Variants in WDFY4 observed in about 807,000 individuals in gnomAD.
The protein encoded by WDFY4 is WD repeat- and FYVE domain-containing protein 4.
In WDFY4, 169 loss-of-function variants were observed where a neutral mutation model predicts 351.9. That is an observed-to-expected ratio of 0.48 (90% confidence interval 0.42 to 0.55). WDFY4 has a LOEUF of 0.55. Ranked by LOEUF, WDFY4 falls within the 20% of genes least tolerant of loss-of-function variation. The pLI is 0.00. For synonymous variants in WDFY4, 1,622 were observed against 1,574.6 expected, an observed-to-expected ratio of 1.03 and a Z score of -0.71; for missense variants, 3,803 against 3,935.6, an observed-to-expected ratio of 0.97 and a Z score of 0.90.
chr10:48,884,783 T>C (rs964975343), intron 43 of WDFY4, among the ~76,000 whole-genome samples: 6 of 152,174 alleles, frequency 3.9e-5, no homozygotes, highest in African/African-American at 1.4e-4. Flanking sequence ...CAGGAACCGT[T>C]TCTCTGGTGT....
At chr10:48,815,156 C>T (rs1456446304) in intron 31 of WDFY4, among the ~76,000 whole-genome samples, 1 of 152,212 alleles carries the variant, frequency 6.6e-6, no homozygotes, top group Non-Finnish European at 1.5e-5. Flanking sequence ...TTGCATTAGT[C>T]ATTATGCATA....
chr10:48,981,656 T>G (rs1295133026), intron 61 of WDFY4, among the ~76,000 whole-genome samples, 178 bp downstream of exon 61: 4 of 152,230 alleles, frequency 2.6e-5, no homozygotes, highest in African/African-American at 9.6e-5. Flanking sequence ...AGGAAACGTT[T>G]TTCAGGGTTT....
intron 2 of WDFY4, among the ~76,000 whole-genome samples, chr10:48,717,136 T>G (rs2063935960): frequency 6.6e-6 from 1 of 152,218 alleles, no homozygotes; most frequent in African/African-American, 2.4e-5. Flanking sequence ...GTGGTGAGGA[T>G]TAGTGGAGCT....
chr10:48,977,672 C>T (rs141690682), intron 59 of WDFY4, among the ~76,000 whole-genome samples: 24 of 152,296 alleles, frequency 1.6e-4, no homozygotes, highest in Admixed American at 7.8e-4. Flanking sequence ...TCTCCTGGGC[C>T]CCCCCAAAGC....
rs377166749 is a variant in WDFY4, at chr10:48,789,981, A to G, written c.4062A>G (p.Gln1354=). ...LRTIGAVAVG[Q]LGVRVFHSSP... Reference sequence around the variant, plus strand: ...CCATTGGAGCTGTTGCTGTGGGTCAATTAGGTATGTTCAACTGGGAAGCTT... The same window carrying G: ...CCATTGGAGCTGTTGCTGTGGGTCAGTTAGGTATGTTCAACTGGGAAGCTT... The change falls in exon 22 of 62, where the codon CAA becomes CAG. Residue 1354 remains glutamine, a synonymous_variant. Coordinates refer to ENST00000325239, the MANE Select transcript of WDFY4 (RefSeq NM_001394531.1). 83 of 1,552,146 alleles carry G rather than the reference A, an allele frequency of 5.3e-5. No individual in the cohort carries two copies. The highest frequency in any genetic ancestry group is 9.8e-5 in the Admixed American group (5 of 50,996).
chr10:48,944,246 G>A (rs1165250974), intron 49 of WDFY4, among the ~76,000 whole-genome samples: 2 of 152,370 alleles, frequency 1.3e-5, no homozygotes, highest in African/African-American at 4.8e-5. Context: ...TGACAGAGAT[G>A]ATGGTGTCTG....
At position 48,948,932 on chromosome 10, in the gene WDFY4, A is replaced by G. The variant is rs761545271; in HGVS notation, c.7977+1963A>G. 2.6e-4 allele frequency among the ~76,000 whole-genome samples: 39 copies of G among 152,350 alleles called. No individual in the cohort carries two copies. The Middle Eastern group carries it at 0.017, about 66-fold the overall frequency. ...AGCTAGACCTAACAGGTGTGTTGTG[A>G]ACCAACGGGATATCTGGGCTATGGC... On this transcript the variant is annotated intron_variant, in intron 51 of 61. Coordinates refer to ENST00000325239, the MANE Select transcript of WDFY4 (RefSeq NM_001394531.1).
chr10:48,917,949 T>C (rs529758422), intron 47 of WDFY4, among the ~76,000 whole-genome samples: 3 of 152,324 alleles, frequency 2.0e-5, no homozygotes, highest in Admixed American at 2.0e-4. Flanking sequence ...AACTACTACA[T>C]AACGGGGAAG....
At chr10:48,882,483 T>G (rs1272790706) in intron 43 of WDFY4, among the ~76,000 whole-genome samples, 3 of 152,144 alleles carry the variant, frequency 2.0e-5, no homozygotes, top group Non-Finnish European at 4.4e-5. Context: ...GAGGCAGGTG[T>G]GTTAGTCCAT....
At chr10:48,914,488 C>T (rs1838316866) in intron 47 of WDFY4, among the ~76,000 whole-genome samples, 2 of 152,182 alleles carry the variant, frequency 1.3e-5, no homozygotes, top group Admixed American at 6.5e-5. Flanking sequence ...CTAGCTGTGC[C>T]ATGCCCCGAC....
chr10:48,865,927 G>T (rs2069526655), intron 39 of WDFY4, among the ~76,000 whole-genome samples: 1 of 151,874 alleles, frequency 6.6e-6, no homozygotes, highest in African/African-American at 2.4e-5. Context: ...CAGTAGTATT[G>T]TCTCCTTCAT....
At chr10:48,909,147 C>T (rs772973121) in intron 47 of WDFY4, among the ~76,000 whole-genome samples, 4 of 151,992 alleles carry the variant, frequency 2.6e-5, no homozygotes, top group Admixed American at 6.6e-5. Flanking sequence ...AGAAATATAC[C>T]AGTTTGTTTA....
At chr10:48,866,609 G>A (rs1489440059) in intron 39 of WDFY4, among the ~76,000 whole-genome samples, 1 of 152,102 alleles carries the variant, frequency 6.6e-6, no homozygotes, top group African/African-American at 2.4e-5. Flanking sequence ...CAGAATCTTG[G>A]CTCCTCAAAT....
chr10:48,709,945 T>A lies in WDFY4; in HGVS notation c.213T>A (p.Ser71Arg), dbSNP rs755556236. ...SPIERQKSLL[S>R]LLPLFLKAWE... ...TTGAGCGTCAGAAGAGCCTGTTGAG[T>A]CTTCTCCCCCTATTCCTAAAGGTTA... The change falls in exon 2 of 62, where the codon AGT becomes AGA. Residue 71 changes from serine to arginine, a missense_variant. Around this residue, in one of 3 missense-constraint regions of WDFY4, gnomAD observed 488 missense variants for 456.8 expected, o/e 1.07. Transcript: ENST00000325239. 2 of 1,551,822 alleles carry A rather than the reference T, an allele frequency of 1.3e-6. No individual in the cohort carries two copies. The highest frequency in any genetic ancestry group is 1.2e-5 in the South Asian group (1 of 84,052).
intron 51 of WDFY4, 46 bp downstream of exon 51, chr10:48,947,015 CACACAT>C: frequency 1.5e-6 from 2 of 1,341,492 alleles, no homozygotes; most frequent in Non-Finnish European, 2.1e-6. Context: ...CACACACACA[CACACAT>C]ACGCCTGTAT....
intron 39 of WDFY4, among the ~76,000 whole-genome samples, chr10:48,848,998 G>T (rs1313657695): frequency 6.6e-6 from 1 of 152,116 alleles, no homozygotes; most frequent in East Asian, 1.9e-4. Flanking sequence ...GATCTCTGGG[G>T]GTGGTATCTA....
At chr10:48,937,704 G>T (rs947998681) in intron 47 of WDFY4, among the ~76,000 whole-genome samples, 2 of 152,236 alleles carry the variant, frequency 1.3e-5, no homozygotes, top group South Asian at 4.1e-4. Context: ...AATGAAAAGC[G>T]ATAGGTAGTT....
chr10:48,727,490 T>C lies in WDFY4; in HGVS notation c.802T>C (p.Ser268Pro). The change falls in exon 7 of 62, where the codon TCC becomes CCC. Residue 268 changes from serine (S) to proline (P), a missense_variant. Ser to Pro is a moderately conservative substitution (Grantham distance 74). Around this residue, in one of 3 missense-constraint regions of WDFY4, gnomAD observed 488 missense variants for 456.8 expected, o/e 1.07. Transcript: ENST00000325239. ...TGCAGCCACAGACTGTGTCAGGCTC[T>C]CCCTCCAGAACCTCTCCAGGCTCAC... ...YLQATDCVRL[S>P]LQNLSRLTDT... 7.7e-6 allele frequency: 12 copies of C among 1,551,674 alleles called. No individual in the cohort carries two copies. The highest frequency in any genetic ancestry group is 1.0e-5 in the Non-Finnish European group (12 of 1,146,968).
chr10:48,811,659 C>T lies in WDFY4; in HGVS notation c.5165C>T (p.Ser1722Phe). The T allele has an allele frequency of 6.4e-7, 1 of 1,551,840 alleles. No homozygotes were observed. Among genetic ancestry groups the T allele is most frequent in the Non-Finnish European group, 8.7e-7 (1 of 1,147,030 alleles). ...VHIPEVYLIV[S>F]TFFLQTPLTE... ...ATTCCAGAGGTCTACCTCATCGTCTCCACCTTCTTCCTGCAGACACCACTC... is the reference window on the plus strand; with the variant it reads ...ATTCCAGAGGTCTACCTCATCGTCTTCACCTTCTTCCTGCAGACACCACTC... Residue 1722 changes from serine (S) to phenylalanine (F), a missense_variant, in exon 30 of 62, where the codon TCC (serine) becomes TTC (phenylalanine). Physicochemically the swap from Ser to Phe is radical, Grantham distance 155. Around this residue, in one of 3 missense-constraint regions of WDFY4, gnomAD observed 3,054 missense variants for 3,148.6 expected, o/e 0.97. Transcript: ENST00000325239.
Sources: allele counts gnomAD v4.1 joint callset (sites outside exome capture counted in the v4.1 genomes callset), GRCh38; gene constraint gnomAD v4.1.1; regional missense constraint gnomAD v4.1.1; transcripts MANE v1.5; gene names NCBI Gene and HGNC (gene_info 2026-07-23, HGNC 2026-07-21).